The following RAD51B variants were observed in gnomAD, a reference collection of about 807,000 sequenced individuals.
RAD51B encodes the protein DNA repair protein RAD51 homolog 2.
Under a neutral mutation model 42.2 loss-of-function variants are expected in RAD51B, and 38 were observed. The observed-to-expected ratio is 0.90, with a 90% CI of 0.70 to 1.18. The LOEUF (loss-of-function observed/expected upper bound fraction) is 1.18, where lower values mean the gene tolerates loss of function less well. Among genes scored for constraint, RAD51B ranks in the 50% most tolerant of loss-of-function variants. The probability of loss-of-function intolerance (pLI) is 0.00; values close to 1 mark genes in which losing one functional copy is unlikely to be tolerated. For missense variants in RAD51B, 373 were observed against 400.7 expected (o/e 0.93, Z 0.59); for synonymous variants, 154 against 145.2 (o/e 1.06, Z -0.43).
At chr14:67,892,945 A>G (rs888998574) in intron 7 of RAD51B, among the ~76,000 whole-genome samples, 14 of 152,172 alleles carry the variant, frequency 9.2e-5, no homozygotes, top group African/African-American at 3.4e-4. Context: ...GACTTTGCTT[A>G]TGCTCCTTTT....
intron 7 of RAD51B, among the ~76,000 whole-genome samples, chr14:67,975,637 G>T (rs1224820693): frequency 1.3e-5 from 2 of 152,228 alleles, no homozygotes; most frequent in Non-Finnish European, 2.9e-5. Context: ...ACAGAAAAAG[G>T]AAAGTGACGT....
intron 7 of RAD51B, among the ~76,000 whole-genome samples, chr14:68,041,236 C>T (rs1023695042): frequency 1.3e-5 from 2 of 152,208 alleles, no homozygotes; most frequent in African/African-American, 2.4e-5. Context: ...CCTGAGGCTT[C>T]CTCAGCCATG....
chr14:68,371,053 A>AAAAAAAAAAAAAAAAAAAAAAAAAAT (rs2083249489), intron 8 of RAD51B, among the ~76,000 whole-genome samples: 2 of 88,076 alleles, frequency 2.3e-5, no homozygotes, highest in Admixed American at 1.0e-4. Context: ...AAAAAAAAAA[A>AAAAAAAAAAAAAAAAAAAAAAAAAAT]AAGAAAAAAA....
At chr14:68,049,038 A>G (rs942858597) in intron 7 of RAD51B, among the ~76,000 whole-genome samples, 116 of 152,310 alleles carry the variant, frequency 7.6e-4, no homozygotes, top group African/African-American at 2.7e-3. Flanking sequence ...ATAAAAAATG[A>G]TGAGTTCATG....
chr14:68,057,332 C>CT (rs548627970), intron 7 of RAD51B, among the ~76,000 whole-genome samples: 2 of 151,982 alleles, frequency 1.3e-5, no homozygotes, highest in Admixed American at 6.6e-5. Flanking sequence ...TCAGAATTAT[C>CT]TTTGATGGTT....
chr14:68,552,722 G>T (rs10148391), intron 10 of RAD51B, among the ~76,000 whole-genome samples: 5 of 151,944 alleles, frequency 3.3e-5, no homozygotes, highest in African/African-American at 1.2e-4. Context: ...GTAATAACAC[G>T]TTTCTGTGGA....
At position 67,823,587 on chromosome 14, in the gene RAD51B, T is replaced by C; in HGVS notation, c.44T>C (p.Leu15Pro). 1 of 1,613,908 alleles carries C rather than the reference T, an allele frequency of 6.2e-7. No homozygotes were observed. The highest frequency in any genetic ancestry group is 8.5e-7 in the Non-Finnish European group (1 of 1,179,904). The change falls in exon 2 of 11, where the codon CTG becomes CCG. Residue 15 changes from leucine (L) to proline (P), a missense_variant. Physicochemically the swap from Leu to Pro is moderately conservative, Grantham distance 98 (BLOSUM62 -3). Coordinates refer to ENST00000471583, the MANE Select transcript of RAD51B (RefSeq NM_133510.4). ...KLKRVGLSQE[L>P]CDRLSRHQIL... ...AAACGAGTGGGTTTATCACAAGAGC[T>C]GTGTGACCGTCTGAGTAGACATCAG...
At chr14:68,371,563 A>C (rs980439289) in intron 8 of RAD51B, among the ~76,000 whole-genome samples, 5 of 151,538 alleles carry the variant, frequency 3.3e-5, no homozygotes, top group African/African-American at 1.2e-4. Flanking sequence ...CATTTGAGAT[A>C]TGTAAGTGAC....
At chr14:68,675,564 C>T (rs1340137159) in intron 11 of RAD51B, among the ~76,000 whole-genome samples, 1 of 152,208 alleles carries the variant, frequency 6.6e-6, no homozygotes, top group Non-Finnish European at 1.5e-5. Flanking sequence ...AGAAATACAG[C>T]TAATACACTC....
chr14:68,570,341 A>C (rs1197436350), intron 10 of RAD51B, among the ~76,000 whole-genome samples: 2 of 152,218 alleles, frequency 1.3e-5, no homozygotes, highest in Non-Finnish European at 2.9e-5. Flanking sequence ...CCCCGGGGTC[A>C]TTTGACTGCA....
chr14:68,497,312 T>C, intron 10 of RAD51B: 1 of 1,267,236 alleles, frequency 7.9e-7, no homozygotes, highest in Non-Finnish European at 1.0e-6. Context: ...AGAGGATGTA[T>C]CTCACAAGTA....
chr14:68,312,267 A>G (rs528486768), intron 8 of RAD51B, among the ~76,000 whole-genome samples: 5 of 152,366 alleles, frequency 3.3e-5, no homozygotes, highest in East Asian at 3.9e-4. Flanking sequence ...GCAGTTCCCT[A>G]GAGTCTCTCA....
At chr14:68,101,245 C>A (rs938684449) in intron 7 of RAD51B, among the ~76,000 whole-genome samples, 4 of 152,152 alleles carry the variant, frequency 2.6e-5, no homozygotes, top group African/African-American at 9.7e-5. Context: ...AAAACTTTAT[C>A]ATTCCACCCC....
At chr14:68,432,134 G>T (rs1280440383) in intron 9 of RAD51B, among the ~76,000 whole-genome samples, 2 of 152,150 alleles carry the variant, frequency 1.3e-5, no homozygotes, top group African/African-American at 4.8e-5. Context: ...TATAATTTCT[G>T]TTCTTTTACA....
chr14:68,014,277 GTTT>G (rs2075738102), intron 7 of RAD51B, among the ~76,000 whole-genome samples: 2 of 148,082 alleles, frequency 1.4e-5, no homozygotes, highest in Admixed American at 1.4e-4. Flanking sequence ...TGCAAGCCCT[GTTT>G]TTTTACATTT....
At chr14:68,643,280 T>C (rs1022946368) in intron 10 of RAD51B, among the ~76,000 whole-genome samples, 7 of 152,250 alleles carry the variant, frequency 4.6e-5, no homozygotes, top group Admixed American at 4.6e-4. Context: ...CCCTGATAAC[T>C]TTCCTTGGTC....
chr14:67,976,034 T>C (rs910719301), intron 7 of RAD51B, among the ~76,000 whole-genome samples: 1 of 152,212 alleles, frequency 6.6e-6, no homozygotes, highest in Admixed American at 6.5e-5. Flanking sequence ...TTATGTTTCT[T>C]GCACCTCTTT....
At chr14:68,524,664 A>G (rs956661523) in intron 10 of RAD51B, among the ~76,000 whole-genome samples, 10 of 152,222 alleles carry the variant, frequency 6.6e-5, no homozygotes, top group Admixed American at 1.3e-4. Context: ...CGCTGTTCAG[A>G]AGGATTCCAG....
At position 67,835,172 on chromosome 14, in the gene RAD51B, T is replaced by G; in HGVS notation, c.291T>G (p.Gly97=). ...LSALDEALHG[G]VACGSLTEIT... ...CTTTGGACGAAGCCCTGCATGGTGG[T>G]GTGGCTTGTGGATCCCTCACAGAGG... is the stretch of plus-strand genomic sequence containing the variant. Residue 97 remains glycine (G), a synonymous_variant, in exon 4 of 11, where the codon GGT becomes GGG. Coordinates refer to ENST00000471583, the MANE Select transcript of RAD51B (RefSeq NM_133510.4). The G allele has an allele frequency of 6.2e-7, 1 of 1,613,784 alleles. No homozygotes were observed. Among genetic ancestry groups the G allele is most frequent in the Non-Finnish European group, 8.5e-7 (1 of 1,179,702 alleles).
Sources: allele counts gnomAD v4.1 joint callset (sites outside exome capture counted in the v4.1 genomes callset), GRCh38; gene constraint gnomAD v4.1.1; transcripts MANE v1.5; gene names NCBI Gene and HGNC (gene_info 2026-07-23, HGNC 2026-07-21).